The following GIGYF2 variants were observed in gnomAD, a reference collection of about 807,000 sequenced individuals.
The protein encoded by GIGYF2 is GRB10 interacting GYF protein 2, also known as GRB10-interacting GYF protein 2.
A neutral mutation model predicts 208.1 loss-of-function variants in GIGYF2; 25 were observed. That is an observed-to-expected ratio of 0.12 (90% CI 0.09 to 0.17). The LOEUF is 0.17. GIGYF2 is among the 10% of genes least tolerant of loss of function. GIGYF2 has a pLI of 1.00. For missense variants in GIGYF2, 1,302 were observed against 1,579.4 expected (o/e 0.82, Z 2.98); for synonymous variants, 534 against 543.8 (o/e 0.98, Z 0.25).
intron 14 of GIGYF2, among the ~76,000 whole-genome samples, chr2:232,801,514 C>CA (rs780659912): frequency 1.3e-5 from 2 of 151,158 alleles, no homozygotes; most frequent in Non-Finnish European, 3.0e-5. Flanking sequence ...TCTTAACAAA[C>CA]AAAAAAAAGA....
At chr2:232,832,754 T>C (rs1355288845) in intron 21 of GIGYF2, 103 bp from the exon 22 acceptor site, 15 of 803,750 alleles carry the variant, frequency 1.9e-5, no homozygotes, top group Non-Finnish European at 2.6e-5. Context: ...CTGCTTTCTC[T>C]GTCATCTCTA....
chr2:232,794,118 T>G (rs1700151578), intron 12 of GIGYF2, among the ~76,000 whole-genome samples: 2 of 152,316 alleles, frequency 1.3e-5, no homozygotes, highest in South Asian at 2.1e-4. Context: ...GAAACTGCGA[T>G]TATACCTAAT....
chr2:232,759,983 G>A (rs73995900), intron 6 of GIGYF2, among the ~76,000 whole-genome samples: 2,334 of 152,220 alleles, frequency 0.015, 71 homozygotes, highest in African/African-American at 0.054. Flanking sequence ...TGGCATTCAT[G>A]AGGTTTGATG....
rs374410416 is a variant in GIGYF2, at chr2:232,732,878, C to T, written c.-43-2277C>T. Among the ~76,000 whole-genome samples the T allele has an allele frequency of 1.4e-4, 22 of 152,246 alleles. 1 individual carries two copies. In the East Asian group the frequency reaches 3.1e-3, roughly 21 times the overall value. On this transcript the variant is annotated intron_variant, in intron 2 of 28. Coordinates refer to ENST00000373563, the MANE Select transcript of GIGYF2 (RefSeq NM_001103146.3). ...CTTCCGGGCTCAAGCGATCCACCCA[C>T]CTTGGCCTCCCAAAGTGCTGGGATT...
chr2:232,792,900 AC>A (rs1700113828), intron 12 of GIGYF2, among the ~76,000 whole-genome samples: 1 of 152,082 alleles, frequency 6.6e-6, no homozygotes, highest in African/African-American at 2.4e-5. Flanking sequence ...AAAGGTCGAA[AC>A]TCCAGATTTA....
intron 9 of GIGYF2, chr2:232,788,445 C>T (rs1451048262): frequency 2.7e-6 from 1 of 373,066 alleles, no homozygotes; most frequent in Admixed American, 3.0e-5. Context: ...TGTTATAGTT[C>T]TCTAAAAGGC....
In GIGYF2 at chr2:232,715,068, G is replaced by A. The variant is rs200374776; in HGVS notation, c.-44+11579G>A. On this transcript the variant is annotated intron_variant, in intron 2 of 28. Coordinates refer to ENST00000373563, the MANE Select transcript of GIGYF2 (RefSeq NM_001103146.3). ...TCTGTTCCTGCATTGGTTTGCTAAG[G>A]ATAATGGTCTTCAGTTCCATCCATG... is the stretch of plus-strand genomic sequence containing the variant. Among the ~76,000 whole-genome samples the A allele has an allele frequency of 3.2e-4, 49 of 152,260 alleles. No homozygotes were observed. In the East Asian group the frequency reaches 9.5e-3, roughly 29 times the overall value.
Position 232,844,047 on chromosome 2 carries a change from A to G in GIGYF2, c.2891A>G (p.Gln964Arg). The change falls in exon 24 of 29, where the codon CAA (glutamine) becomes CGA (arginine). Residue 964 changes from glutamine (Q) to arginine (R), a missense_variant and splice_region_variant. Transcript: ENST00000373563. The stretch of plus-strand genomic sequence containing the variant: ...CTAGCTTCTGTTTTTATGCAACAGC[A>G]AAGGCGCCAGCAGAGGGAGTTGATG... ...EERERQLREE[Q>R]RRQQRELMKA... 1 of 1,613,054 alleles carries G rather than the reference A, an allele frequency of 6.2e-7. No individual in the cohort carries two copies. The highest frequency in any genetic ancestry group is 8.5e-7 in the Non-Finnish European group (1 of 1,179,166).
chr2:232,773,036 C>T lies in GIGYF2; in HGVS notation c.532+11600C>T, dbSNP rs201363997. On this transcript the variant is annotated intron_variant, in intron 8 of 28. Transcript: ENST00000373563. ...TCTTCAGATTTGAGCTAATGGAACA[C>T]TGGGATGATTGTTCAGTTTATTTAG... Among the ~76,000 whole-genome samples the T allele has an allele frequency of 4.6e-5, 7 of 152,152 alleles. No individual in the cohort carries two copies. In the East Asian group the frequency reaches 1.4e-3, roughly 29 times the overall value.
At chr2:232,755,364 T>G (rs1341250229) in intron 5 of GIGYF2, among the ~76,000 whole-genome samples, 1 of 152,022 alleles carries the variant, frequency 6.6e-6, no homozygotes, top group Non-Finnish European at 1.5e-5. Flanking sequence ...AGAGACAGGG[T>G]TTCACCATCT....
chr2:232,800,755 G>C lies in GIGYF2; in HGVS notation c.1639+4534G>C, dbSNP rs538164083. Among the ~76,000 whole-genome samples, 7 of 151,820 alleles carry C rather than the reference G, an allele frequency of 4.6e-5. No homozygotes were observed. The South Asian group carries it at 1.5e-3, about 32-fold the overall frequency. ...CTCAGCTAATTATTTTTCTTTTTTAGAGATGAGGTTTCAGCTGACACACGC... is the reference window on the plus strand; with the variant it reads ...CTCAGCTAATTATTTTTCTTTTTTACAGATGAGGTTTCAGCTGACACACGC... On this transcript the variant is annotated intron_variant, in intron 14 of 28. Transcript: ENST00000373563.
At chr2:232,717,320 C>T (rs1696731768) in intron 2 of GIGYF2, among the ~76,000 whole-genome samples, 1 of 151,990 alleles carries the variant, frequency 6.6e-6, no homozygotes, top group South Asian at 2.1e-4. Flanking sequence ...CTCTAAGAAA[C>T]AATAATAATA....
At chr2:232,820,227 G>A (rs1701034553) in intron 21 of GIGYF2, among the ~76,000 whole-genome samples, 1 of 151,810 alleles carries the variant, frequency 6.6e-6, no homozygotes, top group African/African-American at 2.4e-5. Flanking sequence ...TAGTGGAAAT[G>A]TTGTAAAATA....
At chr2:232,836,263 CATATATATATATATATAT>C (rs1156576756) in intron 22 of GIGYF2, among the ~76,000 whole-genome samples, 23 of 38,614 alleles carry the variant, frequency 6.0e-4, no homozygotes, top group South Asian at 2.3e-3. Flanking sequence ...CCCATCTCTA[CATATATATATATATATAT>C]ATATATATAT....
chr2:232,768,042 C>T, intron 8 of GIGYF2: 1 of 726,362 alleles, frequency 1.4e-6, no homozygotes, highest in Admixed American at 2.6e-5. Flanking sequence ...GTATTGTTAG[C>T]TCAGCCATTC....
chr2:232,838,123 G>A (rs1701703607), intron 22 of GIGYF2, among the ~76,000 whole-genome samples: 1 of 152,046 alleles, frequency 6.6e-6, no homozygotes, highest in African/African-American at 2.4e-5. Context: ...GAAGACTTAA[G>A]GAAAATGAAA....
At chr2:232,836,164 C>A (rs1262039371) in intron 22 of GIGYF2, among the ~76,000 whole-genome samples, 2 of 148,470 alleles carry the variant, frequency 1.3e-5, no homozygotes, top group Non-Finnish European at 3.0e-5. Context: ...CAGTGGCTCA[C>A]GCCTATAATC....
At chr2:232,745,212 AAT>A (rs774800201) in intron 3 of GIGYF2, among the ~76,000 whole-genome samples, 1 of 152,162 alleles carries the variant, frequency 6.6e-6, no homozygotes, top group Non-Finnish European at 1.5e-5. Flanking sequence ...CAAGCCCAAG[AAT>A]ATTTGCAAAG....
In GIGYF2 at chr2:232,749,090, A is replaced by G. The variant is rs755420281; in HGVS notation, c.267+8A>G. ...TTTACAGAAGAAGAACAGGTTTGTG[A>G]TTAGCTCTGAGCCCCAGCAAACTCT... On this transcript the variant is annotated splice_region_variant and intron_variant, in intron 5 of 28. Transcript: ENST00000373563. The G allele has an allele frequency of 7.3e-7, 1 of 1,367,312 alleles. No homozygotes were observed. The highest frequency in any genetic ancestry group is 1.2e-5 in the South Asian group (1 of 86,158). The allele number at this position is 1,367,312 out of a possible 1,614,324, so 84.7% of individuals were successfully genotyped here. A position where few individuals can be genotyped will look rare whatever the true frequency, so the allele number is the denominator to read the frequency against.
Sources: allele counts gnomAD v4.1 joint callset (sites outside exome capture counted in the v4.1 genomes callset), GRCh38; gene constraint gnomAD v4.1.1; transcripts MANE v1.5; gene names NCBI Gene and HGNC (gene_info 2026-07-23, HGNC 2026-07-21).